The following NISCH variants were observed in gnomAD, a reference collection of about 807,000 sequenced individuals.
The protein encoded by NISCH is nischarin.
In NISCH, 55 loss-of-function variants were observed where a neutral mutation model predicts 138.4. The ratio of observed to expected loss-of-function variants is 0.40; its 90% CI spans 0.32 to 0.50. The LOEUF (loss-of-function observed/expected upper bound fraction) is 0.50, where lower values mean the gene tolerates loss of function less well. Among genes scored for constraint, NISCH ranks in the 20% least tolerant of loss-of-function variants. The pLI is 0.71. For missense variants in NISCH, 1,643 were observed against 2,005.5 expected (o/e 0.82, Z 3.45); for synonymous variants, 860 against 861.5 (o/e 1.00, Z 0.03).
intron 17 of NISCH, 68 bp downstream of exon 17, chr3:52,489,746 C>G: frequency 1.3e-6 from 2 of 1,558,572 alleles, no homozygotes; most frequent in Non-Finnish European, 8.6e-7. Flanking sequence ...AGCTTGGCTT[C>G]AGGTCAGCCT....
At chr3:52,489,754 C>T (rs1707512720) in intron 17 of NISCH, 76 bp downstream of exon 17, 1 of 1,548,814 alleles carries the variant, frequency 6.5e-7, no homozygotes. Context: ...TTCAGGTCAG[C>T]CTCAGGTCCC....
intron 17 of NISCH, 85 bp from the exon 18 acceptor site, chr3:52,489,990 G>A: frequency 1.3e-6 from 2 of 1,547,390 alleles, no homozygotes; most frequent in Non-Finnish European, 1.8e-6. Flanking sequence ...GGCTTCCCAT[G>A]TCTCCTTGTG....
At chr3:52,472,894 G>C (rs1223764605) in intron 6 of NISCH, among the ~76,000 whole-genome samples, 2 of 152,242 alleles carry the variant, frequency 1.3e-5, no homozygotes, top group Admixed American at 1.3e-4. Flanking sequence ...AGAAAAGTCA[G>C]TAATGAATAC....
chr3:52,476,773 C>G (rs1426767883), intron 8 of NISCH, among the ~76,000 whole-genome samples, 174 bp downstream of exon 8: 1 of 152,202 alleles, frequency 6.6e-6, no homozygotes, highest in Admixed American at 6.5e-5. Context: ...GTGGGTCACA[C>G]CTGTAATCCC....
chr3:52,455,980 C>T (rs952652815), intron 1 of NISCH, among the ~76,000 whole-genome samples: 1 of 25,218 alleles, frequency 4.0e-5, no homozygotes, highest in African/African-American at 1.7e-4. Flanking sequence ...AAGGGAGGCT[C>T]GGGTTGGGGG....
chr3:52,480,330 A>T, intron 13 of NISCH, 35 bp downstream of exon 13: 1 of 1,612,140 alleles, frequency 6.2e-7, no homozygotes, highest in Non-Finnish European at 8.5e-7. Context: ...TAGTGGAGCC[A>T]CACAGCCCTG....
At chr3:52,461,776 T>G (rs1396171274) in intron 3 of NISCH, among the ~76,000 whole-genome samples, 1 of 148,788 alleles carries the variant, frequency 6.7e-6, no homozygotes, top group African/African-American at 2.5e-5. Flanking sequence ...GGCAGGAGAA[T>G]GGCGTGAACC....
chr3:52,476,343 C>A, intron 7 of NISCH, 104 bp from the exon 8 acceptor site: 1 of 1,285,094 alleles, frequency 7.8e-7, no homozygotes, highest in South Asian at 1.3e-5. Context: ...CTTCCACATG[C>A]TAAATATGCT....
intron 3 of NISCH, among the ~76,000 whole-genome samples, chr3:52,466,752 G>T (rs555892289): frequency 6.6e-6 from 1 of 152,022 alleles, no homozygotes; most frequent in Admixed American, 6.6e-5. Flanking sequence ...TTGAGTGTAG[G>T]TGTATGTGTT....
At chr3:52,460,376 A>G (rs745340450) in intron 3 of NISCH, among the ~76,000 whole-genome samples, 1 of 150,104 alleles carries the variant, frequency 6.7e-6, no homozygotes, top group Non-Finnish European at 1.5e-5. Flanking sequence ...TTTCTTAAGC[A>G]GTATCCAACT....
chr3:52,458,045 A>T (rs1706525534), intron 2 of NISCH, 119 bp downstream of exon 2: 1 of 702,796 alleles, frequency 1.4e-6, no homozygotes, highest in Non-Finnish European at 2.5e-6. Flanking sequence ...GTTCTTTAAT[A>T]AACCACTTTG....
intron 3 of NISCH, among the ~76,000 whole-genome samples, chr3:52,465,052 C>T (rs1168032268): frequency 6.6e-6 from 1 of 152,196 alleles, no homozygotes; most frequent in Non-Finnish European, 1.5e-5. Context: ...TCTTTGGTCA[C>T]TTGTGTTTTG....
rs1437617970 is a variant in NISCH, at chr3:52,487,424, A to G, written c.1932A>G (p.Glu644=). 6.2e-7 allele frequency: 1 copy of G among 1,611,054 alleles called. No individual in the cohort carries two copies. Among genetic ancestry groups the G allele is most frequent in the Non-Finnish European group, 8.5e-7 (1 of 1,177,624 alleles). ...GCGAGGAGGAGGATGAGGAGGAGGAAGAAGAGGAGGACGTGGCTGAGAACC... is the reference window on the plus strand; with the variant it reads ...GCGAGGAGGAGGATGAGGAGGAGGAGGAAGAGGAGGACGTGGCTGAGAACC... ...EQGEEEDEEE[E]EEEDVAENRY... Residue 644 remains glutamate (E), a synonymous_variant, in exon 16 of 21, where the codon GAA becomes GAG. Transcript: ENST00000345716. The surrounding 1 kb of genome is among the most constrained non-coding windows in gnomAD (Gnocchi z 9.1).
intron 7 of NISCH, among the ~76,000 whole-genome samples, chr3:52,474,253 A>C (rs534825898): frequency 6.6e-6 from 1 of 152,232 alleles, no homozygotes; most frequent in South Asian, 2.1e-4. Context: ...AGCTGGGATT[A>C]CAGGTGCCTG....
chr3:52,460,707 T>C (rs1047716965), intron 3 of NISCH, among the ~76,000 whole-genome samples: 3 of 152,184 alleles, frequency 2.0e-5, no homozygotes, highest in African/African-American at 7.2e-5. Context: ...TGGCTGACTA[T>C]GGTCTCATTT....
At chr3:52,462,530 C>T (rs1187284996) in intron 3 of NISCH, among the ~76,000 whole-genome samples, 2 of 152,254 alleles carry the variant, frequency 1.3e-5, no homozygotes. Context: ...AACTTTTATA[C>T]TGTCTGTATC....
At chr3:52,457,388 G>C (rs190881673) in intron 1 of NISCH, among the ~76,000 whole-genome samples, 1 of 152,206 alleles carries the variant, frequency 6.6e-6, no homozygotes, top group East Asian at 1.9e-4. Flanking sequence ...CCAGGAGGTA[G>C]TCAGGGCACC....
chr3:52,474,446 G>A (rs1048512378), intron 7 of NISCH, among the ~76,000 whole-genome samples: 33 of 152,152 alleles, frequency 2.2e-4, no homozygotes, highest in Admixed American at 3.3e-4. Context: ...ACAGGTGCCC[G>A]CCACCACACC....
At position 52,482,363 on chromosome 3, in the gene NISCH, C is replaced by T. The variant is rs145314814; in HGVS notation, c.1528+2068C>T. On this transcript the variant is annotated intron_variant, in intron 13 of 20. Coordinates refer to ENST00000345716, the MANE Select transcript of NISCH (RefSeq NM_007184.4). ...AGCCTCCCGTCGTGGCAGGCGCTGT[C>T]GGAGCCATGGATGATTGTGACCAAT... is the stretch of plus-strand genomic sequence containing the variant. Among the ~76,000 whole-genome samples the T allele has an allele frequency of 6.7e-4, 102 of 152,262 alleles. 1 individual carries two copies. The highest frequency in any genetic ancestry group is 6.8e-3 in the Middle Eastern group (2 of 294).
Sources: gnomAD v4.1 joint callset for allele counts (sites outside exome capture counted in the v4.1 genomes callset) on GRCh38, gnomAD v4.1.1 for gene constraint, Gnocchi (gnomAD v3.1) non-coding constraint, MANE v1.5 for transcripts, NCBI Gene and HGNC (gene_info 2026-07-23, HGNC 2026-07-21) for gene names.